The following CNTN5 variants were observed in gnomAD, a reference collection of about 807,000 sequenced individuals.
The protein encoded by CNTN5 is contactin 5.
Under a neutral mutation model 129.1 loss-of-function variants are expected in CNTN5, and 77 were observed. The ratio of observed to expected loss-of-function variants is 0.60; its 90% confidence interval spans 0.50 to 0.72. CNTN5 has a LOEUF of 0.72. CNTN5 is among the 30% of genes least tolerant of loss of function. CNTN5 has a pLI of 0.00. For missense variants in CNTN5, 1,478 were observed against 1,328.8 expected (o/e 1.11, Z -1.75); for synonymous variants, 509 against 465.6 (o/e 1.09, Z -1.20).
At chr11:100,234,235 G>A (rs1200685446) in intron 16 of CNTN5, among the ~76,000 whole-genome samples, 1 of 152,082 alleles carries the variant, frequency 6.6e-6, no homozygotes, top group Non-Finnish European at 1.5e-5. Flanking sequence ...AGACAGTGTG[G>A]TGATTCTGCA....
At chr11:100,103,378 T>C (rs1431842216) in intron 13 of CNTN5, among the ~76,000 whole-genome samples, 1 of 152,192 alleles carries the variant, frequency 6.6e-6, no homozygotes, top group Non-Finnish European at 1.5e-5. Flanking sequence ...GGGTACTTTC[T>C]GAACAATCCA....
At chr11:99,727,237 C>T (rs889313880) in intron 3 of CNTN5, among the ~76,000 whole-genome samples, 1 of 137,306 alleles carries the variant, frequency 7.3e-6, no homozygotes, top group African/African-American at 2.8e-5. Flanking sequence ...ACCCGGGAAG[C>T]GGAGCTTGCA....
chr11:100,150,836 C>G (rs892905050), intron 13 of CNTN5, among the ~76,000 whole-genome samples: 1 of 152,120 alleles, frequency 6.6e-6, no homozygotes, highest in African/African-American at 2.4e-5. Flanking sequence ...ATGTTGAACA[C>G]TTACCCCCTA....
At chr11:99,970,544 G>A (rs1421157109) in intron 8 of CNTN5, among the ~76,000 whole-genome samples, 1 of 152,122 alleles carries the variant, frequency 6.6e-6, no homozygotes. Context: ...TTCCTGTGAG[G>A]ATGAAATACA....
At chr11:99,557,780 AAAAG>A (rs758181329) in intron 3 of CNTN5, among the ~76,000 whole-genome samples, 1 of 151,688 alleles carries the variant, frequency 6.6e-6, no homozygotes, top group Non-Finnish European at 1.5e-5. Context: ...TTTGAAATCT[AAAAG>A]AATTTCTTTA....
intron 1 of CNTN5, among the ~76,000 whole-genome samples, chr11:99,260,029 C>A (rs1442171290): frequency 6.6e-6 from 1 of 151,456 alleles, no homozygotes; most frequent in Non-Finnish European, 1.5e-5. Context: ...CATCTGTTAC[C>A]TGAAGCGAAA....
At chr11:100,355,152 A>G (rs1952493707) in intron 24 of CNTN5, among the ~76,000 whole-genome samples, 1 of 151,840 alleles carries the variant, frequency 6.6e-6, no homozygotes, top group Non-Finnish European at 1.5e-5. Context: ...AGATTAAAAA[A>G]ACATTTTCTT....
chr11:99,713,466 T>C, intron 3 of CNTN5, among the ~76,000 whole-genome samples: 1 of 152,078 alleles, frequency 6.6e-6, no homozygotes, highest in Non-Finnish European at 1.5e-5. Flanking sequence ...ACTTCCTCTT[T>C]TCCTAATTGA....
At chr11:99,557,217 C>G (rs990222780) in intron 3 of CNTN5, among the ~76,000 whole-genome samples, 1 of 151,004 alleles carries the variant, frequency 6.6e-6, no homozygotes, top group Non-Finnish European at 1.5e-5. Context: ...TATGATCATT[C>G]AGTACTCTAT....
intron 3 of CNTN5, among the ~76,000 whole-genome samples, chr11:99,645,629 T>G (rs1238583118): frequency 1.3e-5 from 2 of 152,094 alleles, no homozygotes; most frequent in African/African-American, 4.8e-5. Context: ...TAAAAAAGGA[T>G]GAGTTCATGT....
At chr11:99,685,318 C>T (rs1228930793) in intron 3 of CNTN5, among the ~76,000 whole-genome samples, 5 of 151,746 alleles carry the variant, frequency 3.3e-5, no homozygotes, top group South Asian at 4.1e-4. Context: ...TTTACTATTA[C>T]AATTAGAAAA....
chr11:99,607,413 C>G (rs1193939957), intron 3 of CNTN5, among the ~76,000 whole-genome samples: 1 of 146,236 alleles, frequency 6.8e-6, no homozygotes, highest in African/African-American at 2.5e-5. Context: ...CATCTCACAC[C>G]AGTTAGAATG....
In CNTN5 at chr11:99,346,106, C is replaced by T. The variant is rs920724252; in HGVS notation, c.-71+20622C>T. Among the ~76,000 whole-genome samples the T allele has an allele frequency of 3.3e-5, 5 of 152,228 alleles. No individual in the cohort carries two copies. In the South Asian group the frequency reaches 8.3e-4, roughly 25 times the overall value. On this transcript the variant is annotated intron_variant, in intron 2 of 24. Transcript: ENST00000524871. ...GTAAATTCCTATCATTATTATAGCA[C>T]AGATCTAATTCTATATTTGACTTTT...
chr11:99,895,480 G>C (rs1165170159), intron 6 of CNTN5, among the ~76,000 whole-genome samples: 1 of 152,190 alleles, frequency 6.6e-6, no homozygotes, highest in Non-Finnish European at 1.5e-5. Context: ...AAAATAACAA[G>C]TGAATACTAA....
chr11:100,214,177 T>C (rs1949092278), intron 15 of CNTN5, among the ~76,000 whole-genome samples: 1 of 149,820 alleles, frequency 6.7e-6, no homozygotes. Flanking sequence ...TTAGTAATAT[T>C]AAGTTTTGTA....
intron 1 of CNTN5, among the ~76,000 whole-genome samples, chr11:99,200,735 C>G (rs1249214345): frequency 6.6e-6 from 1 of 152,194 alleles, no homozygotes; most frequent in African/African-American, 2.4e-5. Flanking sequence ...TGCACTGTTT[C>G]ATCCTTTGGA....
At chr11:99,949,856 C>T (rs7105607) in intron 7 of CNTN5, among the ~76,000 whole-genome samples, 125,464 of 152,150 alleles carry the variant, frequency 0.82, 51,820 homozygotes, top group South Asian at 0.86. Context: ...CATGAGATGA[C>T]GCCAGTTTAG....
At chr11:99,583,097 C>G (rs1164903233) in intron 3 of CNTN5, among the ~76,000 whole-genome samples, 1 of 152,156 alleles carries the variant, frequency 6.6e-6, no homozygotes, top group African/African-American at 2.4e-5. Context: ...CACTCTAGAC[C>G]CTGTTTGCCT....
intron 21 of CNTN5, among the ~76,000 whole-genome samples, chr11:100,329,519 C>T (rs1951858961): frequency 6.6e-6 from 1 of 152,186 alleles, no homozygotes; most frequent in Admixed American, 6.5e-5. Context: ...GGCCAACTAA[C>T]CCAAAAACTG....
Sources: gnomAD v4.1 joint callset for allele counts (sites outside exome capture counted in the v4.1 genomes callset) on GRCh38, gnomAD v4.1.1 for gene constraint, MANE v1.5 for transcripts, NCBI Gene and HGNC (gene_info 2026-07-23, HGNC 2026-07-21) for gene names.